Variants in PAK3 observed in about 807,000 individuals in gnomAD.
The protein encoded by PAK3 is p21 (RAC1) activated kinase 3.
In PAK3, 4 loss-of-function variants were observed where a neutral mutation model predicts 41.0. The ratio of observed to expected loss-of-function variants is 0.10; its 90% CI spans 0.05 to 0.22. PAK3 has a LOEUF of 0.22. Among genes scored for constraint, PAK3 ranks in the 10% least tolerant of loss-of-function variants. PAK3 has a pLI of 1.00. For synonymous variants in PAK3, 146 were observed against 139.6 expected, an observed-to-expected ratio of 1.05 and a Z score of -0.32; for missense variants, 205 against 409.9, an observed-to-expected ratio of 0.50 and a Z score of 4.32.
At chrX:111,075,365 G>A (rs887014555) in intron 1 of PAK3, among the ~76,000 whole-genome samples, 1 of 112,643 alleles carries the variant, frequency 8.9e-6, no homozygotes, top group African/African-American at 3.2e-5. Flanking sequence ...CACCTCAGGA[G>A]GCTGCTTCTT....
chrX:111,033,046 T>C (rs926686469), intron 1 of PAK3, among the ~76,000 whole-genome samples: 5 of 111,655 alleles, frequency 4.5e-5, no homozygotes, highest in Non-Finnish European at 9.4e-5. Context: ...CAGATTTAGA[T>C]ATGCTGGCCC....
At chrX:111,129,127 C>A (rs1169984477) in intron 5 of PAK3, among the ~76,000 whole-genome samples, 1 of 111,516 alleles carries the variant, frequency 9.0e-6, no homozygotes, top group Non-Finnish European at 1.9e-5. Flanking sequence ...ATGGTCTTGT[C>A]AATCAAATGT....
At chrX:111,080,381 T>G (rs143143321) in intron 1 of PAK3, among the ~76,000 whole-genome samples, 2 of 111,768 alleles carry the variant, frequency 1.8e-5, no homozygotes, top group African/African-American at 6.5e-5. Flanking sequence ...AGATTATGAG[T>G]CACTGAAAGC....
At chrX:110,997,750 T>G (rs913400628) in intron 1 of PAK3, among the ~76,000 whole-genome samples, 1 of 111,573 alleles carries the variant, frequency 9.0e-6, no homozygotes, top group Admixed American at 9.5e-5. Flanking sequence ...GTTGAAATGC[T>G]AACCCCCAAA....
chrX:111,143,816 T>G (rs996449680), intron 6 of PAK3, among the ~76,000 whole-genome samples: 14 of 112,205 alleles, frequency 1.2e-4, no homozygotes, highest in African/African-American at 4.2e-4. Context: ...CTTTGACATT[T>G]TAATGTTCTC....
chrX:111,161,381 A>C (rs2094185877), intron 8 of PAK3, among the ~76,000 whole-genome samples: 1 of 110,934 alleles, frequency 9.0e-6, no homozygotes, highest in Non-Finnish European at 1.9e-5. Context: ...TTGTCAGATG[A>C]GTAGGTTGCA....
chrX:110,965,941 T>C (rs2091073049), intron 1 of PAK3, among the ~76,000 whole-genome samples: 1 of 111,579 alleles, frequency 9.0e-6, no homozygotes, highest in African/African-American at 3.3e-5. Context: ...GAGCTGAGAA[T>C]TGAACCTAGC....
intron 1 of PAK3, among the ~76,000 whole-genome samples, chrX:111,025,557 C>A (rs1232670513): frequency 9.0e-6 from 1 of 110,810 alleles, no homozygotes; most frequent in South Asian, 3.8e-4. Context: ...TGGATAAATT[C>A]CTGGAAATAT....
At chrX:111,183,261 G>A (rs1470981560) in intron 11 of PAK3, among the ~76,000 whole-genome samples, 1 of 111,713 alleles carries the variant, frequency 9.0e-6, no homozygotes, top group Non-Finnish European at 1.9e-5. Context: ...TGGGCATTAA[G>A]TGAGATCATT....
chrX:111,120,494 G>A (rs1038185439), intron 4 of PAK3, among the ~76,000 whole-genome samples: 1 of 111,881 alleles, frequency 8.9e-6, no homozygotes, highest in Non-Finnish European at 1.9e-5. Context: ...GAACAAAGGA[G>A]CATAGCATTT....
At chrX:111,201,784 A>G (rs772268459) in intron 16 of PAK3, among the ~76,000 whole-genome samples, 6 of 110,929 alleles carry the variant, frequency 5.4e-5, no homozygotes, top group African/African-American at 2.0e-4. Context: ...TGAATAATAT[A>G]TGTAAATCAC....
chrX:111,043,682 T>C (rs1003960823), intron 1 of PAK3, among the ~76,000 whole-genome samples: 1 of 112,291 alleles, frequency 8.9e-6, no homozygotes, highest in African/African-American at 3.2e-5. Flanking sequence ...CTGGAGTAAA[T>C]TTAAGTTTAC....
intron 1 of PAK3, among the ~76,000 whole-genome samples, chrX:111,046,245 C>T (rs1454632421): frequency 1.8e-5 from 2 of 111,558 alleles, no homozygotes; most frequent in African/African-American, 6.5e-5. Context: ...AGGCTCAACC[C>T]TAAAGGATGA....
chrX:111,163,765 G>A, intron 10 of PAK3, 38 bp downstream of exon 10: 1 of 1,048,933 alleles, frequency 9.5e-7, no homozygotes, highest in Non-Finnish European at 1.3e-6. Flanking sequence ...CTACACGGGA[G>A]TGTTTCTCAT....
intron 1 of PAK3, among the ~76,000 whole-genome samples, chrX:111,071,152 G>A (rs772784300): frequency 8.9e-6 from 1 of 111,984 alleles, no homozygotes; most frequent in Non-Finnish European, 1.9e-5. Flanking sequence ...ATTTGTGTAA[G>A]TTGTCCCATC....
At chrX:111,157,520 G>A (rs913931886) in intron 8 of PAK3, among the ~76,000 whole-genome samples, 2 of 111,441 alleles carry the variant, frequency 1.8e-5, no homozygotes, top group African/African-American at 6.5e-5. Flanking sequence ...ACCAGGCGCG[G>A]TGGCTCACAT....
At chrX:111,029,612 T>A (rs1232969549) in intron 1 of PAK3, among the ~76,000 whole-genome samples, 2 of 112,111 alleles carry the variant, frequency 1.8e-5, no homozygotes, top group African/African-American at 3.2e-5. Context: ...GCTTGCATCA[T>A]CTGTTTAAAA....
upstream of PAK3, among the ~76,000 whole-genome samples, chrX:111,094,154 A>C (rs2092950522): frequency 9.0e-6 from 1 of 111,035 alleles, no homozygotes. Context: ...TCCTGATTCC[A>C]ACTTATTAAT....
upstream of PAK3, among the ~76,000 whole-genome samples, chrX:111,092,475 A>G (rs1319696483): frequency 8.9e-6 from 1 of 111,819 alleles, no homozygotes; most frequent in African/African-American, 3.3e-5. Flanking sequence ...GTCAAGGAGT[A>G]TTACTATTTC....
Sources: allele counts gnomAD v4.1 joint callset (sites outside exome capture counted in the v4.1 genomes callset), GRCh38; gene constraint gnomAD v4.1.1; transcripts MANE v1.5; gene names NCBI Gene and HGNC (gene_info 2026-07-23, HGNC 2026-07-21).